The following CCSER2 variants were observed in gnomAD, a reference collection of about 807,000 sequenced individuals.
CCSER2 encodes coiled-coil serine rich protein 2.
In CCSER2, 46 loss-of-function variants were observed where a neutral mutation model predicts 92.3. The ratio of observed to expected loss-of-function variants is 0.50; its 90% CI spans 0.39 to 0.64. The LOEUF (loss-of-function observed/expected upper bound fraction) is 0.64, where lower values mean the gene tolerates loss of function less well. Among genes scored for constraint, CCSER2 ranks in the 30% least tolerant of loss-of-function variants. CCSER2 has a pLI of 0.00. For synonymous variants in CCSER2, 433 were observed against 431.4 expected, an observed-to-expected ratio of 1.00 and a Z score of -0.04; for missense variants, 1,244 against 1,238.9, an observed-to-expected ratio of 1.00 and a Z score of -0.06.
chr10:84,405,166 G>C (rs1265647896), intron 3 of CCSER2, among the ~76,000 whole-genome samples: 1 of 152,140 alleles, frequency 6.6e-6, no homozygotes, highest in Non-Finnish European at 1.5e-5. Flanking sequence ...AAAAGAAATG[G>C]AACCACATAA....
intron 3 of CCSER2, chr10:84,393,814 A>G (rs1392070184): frequency 1.3e-5 from 2 of 152,314 alleles, no homozygotes; most frequent in Admixed American, 6.5e-5. Flanking sequence ...ACGTGTCATA[A>G]TAGCAAGCTG....
At chr10:84,461,694 G>C (rs1360168550) in intron 6 of CCSER2, among the ~76,000 whole-genome samples, 1 of 133,590 alleles carries the variant, frequency 7.5e-6, no homozygotes, top group Non-Finnish European at 1.6e-5. Flanking sequence ...TTTTCTCTTT[G>C]TAGTCCCTTC....
chr10:84,341,037 CTT>C lies in CCSER2; in HGVS notation c.-40+12249_-40+12250del, dbSNP rs749153928. On this transcript the variant is annotated intron_variant, in intron 1 of 9. Transcript: ENST00000372088. ...CTCTCATGTACCACTCAATGTAACA[CTT>C]TTTTTTTTTTTTTTTTTTTGAGACA... Among the ~76,000 whole-genome samples, 99 of 115,134 alleles carry C rather than the reference CTT, an allele frequency of 8.6e-4. 1 individual carries two copies. Among genetic ancestry groups the C allele is most frequent in the African/African-American group, 3.3e-3 (92 of 27,860 alleles). 75.5% of individuals were successfully genotyped at this position (115,134 alleles called of 152,430 possible).
chr10:84,486,681 C>G (rs887984721), intron 9 of CCSER2, among the ~76,000 whole-genome samples: 4 of 152,100 alleles, frequency 2.6e-5, no homozygotes, highest in East Asian at 3.8e-4. Flanking sequence ...AATTTTCTCC[C>G]CTTCTGTAGG....
intron 6 of CCSER2, among the ~76,000 whole-genome samples, chr10:84,447,875 C>T (rs376141140): frequency 2.0e-5 from 3 of 152,108 alleles, no homozygotes; most frequent in East Asian, 1.9e-4. Flanking sequence ...GGTGCAGTGT[C>T]GGCTTACTGC....
At chr10:84,392,146 G>T (rs1841556325) in intron 3 of CCSER2, 1 of 598,784 alleles carries the variant, frequency 1.7e-6, no homozygotes, top group Admixed American at 2.6e-5. Context: ...TTTACGGGGG[G>T]AAGGGTAAAC....
chr10:84,496,023 C>A (rs1195148573), intron 9 of CCSER2, among the ~76,000 whole-genome samples: 3 of 148,886 alleles, frequency 2.0e-5, no homozygotes, highest in South Asian at 2.1e-4. Context: ...TTTAATAATT[C>A]TATTTTTATT....
intron 6 of CCSER2, among the ~76,000 whole-genome samples, chr10:84,442,113 G>A (rs1202729449): frequency 1.3e-5 from 2 of 152,100 alleles, no homozygotes; most frequent in Non-Finnish European, 2.9e-5. Flanking sequence ...ACCTTAAGGG[G>A]TCATAAATGT....
chr10:84,408,076 G>A (rs534800818), intron 3 of CCSER2, among the ~76,000 whole-genome samples: 1 of 151,926 alleles, frequency 6.6e-6, no homozygotes, highest in African/African-American at 2.4e-5. Context: ...GGGGTGCCAG[G>A]ACTTAATCCA....
At position 84,425,820 on chromosome 10, in the gene CCSER2, T is replaced by G. The variant is rs1359818206; in HGVS notation, c.1795T>G (p.Trp599Gly). ...TTTTTGGAAAAGGCCACCCCAGAGG[T>G]GGAGTGGACAGGAGCATTACCACCT... ...EGFWKRPPQRWSGQEHYHLSH... is the reference protein window; with the variant it reads ...EGFWKRPPQRGSGQEHYHLSH... Residue 599 changes from tryptophan to glycine, a missense_variant, in exon 5 of 10, where the codon TGG (tryptophan) becomes GGG (glycine). Physicochemically the swap from Trp to Gly is radical, Grantham distance 184. Transcript: ENST00000372088. 3 of 1,613,340 alleles carry G rather than the reference T, an allele frequency of 1.9e-6. No individual in the cohort carries two copies. Among genetic ancestry groups the G allele is most frequent in the Non-Finnish European group, 2.5e-6 (3 of 1,179,662 alleles).
At chr10:84,398,058 T>G (rs1841935072) in intron 3 of CCSER2, among the ~76,000 whole-genome samples, 1 of 152,208 alleles carries the variant, frequency 6.6e-6, no homozygotes, top group Admixed American at 6.5e-5. Context: ...TACTATCCTC[T>G]CTAGCTTACA....
intron 9 of CCSER2, among the ~76,000 whole-genome samples, chr10:84,490,382 A>G (rs1180448197): frequency 6.6e-6 from 1 of 152,146 alleles, no homozygotes; most frequent in Non-Finnish European, 1.5e-5. Flanking sequence ...TACACCAATC[A>G]GATGTAGATT....
intron 1 of CCSER2, among the ~76,000 whole-genome samples, chr10:84,362,131 A>G (rs540055630): frequency 5.9e-5 from 9 of 152,070 alleles, no homozygotes; most frequent in Non-Finnish European, 8.8e-5. Flanking sequence ...TGTTAATGTT[A>G]CTCCTGTTAC....
intron 3 of CCSER2, among the ~76,000 whole-genome samples, chr10:84,404,279 C>G (rs1337833739): frequency 6.6e-6 from 1 of 152,198 alleles, no homozygotes; most frequent in Admixed American, 6.5e-5. Flanking sequence ...AACAAACTTA[C>G]CCCTCCAGTT....
In CCSER2 at chr10:84,328,631, T is replaced by C. The variant is rs1425796929; in HGVS notation, c.-217T>C. 1 of 148,886 alleles carries C rather than the reference T, an allele frequency of 6.7e-6. No individual in the cohort carries two copies. The highest frequency in any genetic ancestry group is 1.5e-5 in the Non-Finnish European group (1 of 67,154). The allele number at this position is 148,886 out of a possible 1,614,324, so 9.2% of individuals were successfully genotyped here. On this transcript the variant is annotated 5_prime_UTR_variant, in exon 1 of 10. Coordinates refer to ENST00000372088, the MANE Select transcript of CCSER2 (RefSeq NM_001284240.2). ...CGGCCGAGGGAGGGGGCGCGGCGGC[T>C]TTGGAGTCCGGCGCTCCCTCAGGCC...
chr10:84,332,017 A>C (rs934255235), intron 1 of CCSER2, among the ~76,000 whole-genome samples: 1 of 152,222 alleles, frequency 6.6e-6, no homozygotes, highest in Non-Finnish European at 1.5e-5. Context: ...GCCCAGGAGC[A>C]GTATTACAAA....
At chr10:84,498,264 T>C (rs2784845) in intron 9 of CCSER2, among the ~76,000 whole-genome samples, 11,834 of 152,256 alleles carry the variant, frequency 0.078, 516 homozygotes, top group Middle Eastern at 0.12. Context: ...AACCAAAACA[T>C]TTCACAAACA....
At chr10:84,408,824 A>G (rs929545661) in intron 3 of CCSER2, among the ~76,000 whole-genome samples, 5 of 152,080 alleles carry the variant, frequency 3.3e-5, no homozygotes, top group Admixed American at 1.3e-4. Context: ...GTCTTGTTTC[A>G]CACATACTCA....
chr10:84,380,193 G>A (rs1028595474), intron 3 of CCSER2, among the ~76,000 whole-genome samples: 14 of 152,142 alleles, frequency 9.2e-5, no homozygotes, highest in African/African-American at 3.4e-4. Context: ...AGTCTGGTGA[G>A]TGTGAGATGA....
Sources: gnomAD v4.1 joint callset for allele counts (sites outside exome capture counted in the v4.1 genomes callset) on GRCh38, gnomAD v4.1.1 for gene constraint, MANE v1.5 for transcripts, NCBI Gene and HGNC (gene_info 2026-07-23, HGNC 2026-07-21) for gene names.